Variants in BMP1 observed in about 807,000 individuals in gnomAD.
The protein encoded by BMP1 is mammalian tolloid protein.
Under a neutral mutation model 116.8 loss-of-function variants are expected in BMP1, and 63 were observed. That is an observed-to-expected ratio of 0.54 (90% CI 0.44 to 0.67). BMP1 has a LOEUF of 0.67. Ranked by LOEUF, BMP1 falls within the 30% of genes least tolerant of loss-of-function variation. The pLI, the probability that BMP1 is intolerant of heterozygous loss-of-function variation, is 0.00. For synonymous variants in BMP1, 536 were observed against 533.4 expected (o/e 1.00, Z -0.07); for missense variants, 1,183 against 1,358.9 (o/e 0.87, Z 2.04).
At chr8:22,172,305 A>C (rs141915465) in intron 1 of BMP1, among the ~76,000 whole-genome samples, 1 of 152,192 alleles carries the variant, frequency 6.6e-6, no homozygotes, top group Non-Finnish European at 1.5e-5. Flanking sequence ...TGAGCGCCTT[A>C]CAAAGCGGCC....
In BMP1 at chr8:22,196,662, C is replaced by A. The variant is rs759369189; in HGVS notation, c.1766-18C>A. 11 of 1,613,706 alleles carry A rather than the reference C, an allele frequency of 6.8e-6. No homozygotes were observed. Among genetic ancestry groups the A allele is most frequent in the Non-Finnish European group, 9.3e-6 (11 of 1,179,996 alleles). Reference sequence around the variant, plus strand: ...CAGGGGCTCCCCGCAGACGATGCCACCTTCCTTGTCCCCGCAGCTGCTTGT... The same window carrying A: ...CAGGGGCTCCCCGCAGACGATGCCAACTTCCTTGTCCCCGCAGCTGCTTGT... On this transcript the variant is annotated intron_variant, in intron 13 of 19. Transcript: ENST00000306385.
At chr8:22,211,529 G>A (rs1829461653) in intron 19 of BMP1, 65 bp from the exon 20 acceptor site, 1 of 1,604,138 alleles carries the variant, frequency 6.2e-7, no homozygotes, top group Non-Finnish European at 8.5e-7. Context: ...TGGGGATCTT[G>A]GGGAGGCAGG....
intron 14 of BMP1, 40 bp downstream of exon 14, chr8:22,196,880 T>G: frequency 1.3e-6 from 2 of 1,584,936 alleles, no homozygotes; most frequent in Non-Finnish European, 1.7e-6. Flanking sequence ...CAGGAAGCTG[T>G]GAGGCGTGGG....
intron 8 of BMP1, among the ~76,000 whole-genome samples, chr8:22,189,083 A>G (rs1828858722): frequency 6.6e-6 from 1 of 152,170 alleles, no homozygotes; most frequent in Non-Finnish European, 1.5e-5. Flanking sequence ...CAATCTAGCA[A>G]TGCATAAAAT....
In BMP1 at chr8:22,194,117, G is replaced by A; in HGVS notation, c.1240G>A (p.Val414Ile). The change falls in exon 10 of 20, where the codon GTT (valine) becomes ATT (isoleucine). Residue 414 changes from valine to isoleucine, a missense_variant. Val to Ile is a conservative substitution (Grantham distance 29, BLOSUM62 3). Around this residue, in one of 4 missense-constraint regions of BMP1, gnomAD observed 956 missense variants for 1,135.2 expected, o/e 0.84. Coordinates refer to ENST00000306385, the MANE Select transcript of BMP1 (RefSeq NM_006129.5). This position sits in a 1 kb window ranked among gnomAD's most constrained non-coding sequence, Gnocchi z 4.5. ...CGTCTCCACTGACAGCCGCCTCTGG[G>A]TTGAATTCCGCAGCAGCAGCAATTG... ...PIVSTDSRLWVEFRSSSNWVG... is the reference protein window; with the variant it reads ...PIVSTDSRLWIEFRSSSNWVG... 6.2e-7 allele frequency: 1 copy of A among 1,613,986 alleles called. No individual in the cohort carries two copies. Among genetic ancestry groups the A allele is most frequent in the Non-Finnish European group, 8.5e-7 (1 of 1,179,932 alleles).
intron 12 of BMP1, 101 bp downstream of exon 12, chr8:22,195,020 AC>A: frequency 7.9e-7 from 1 of 1,265,252 alleles, no homozygotes; most frequent in Non-Finnish European, 1.1e-6. Flanking sequence ...GCATATTGAT[AC>A]CAGTGAGACC....
intron 18 of BMP1, among the ~76,000 whole-genome samples, chr8:22,209,114 G>A (rs1294528843): frequency 6.6e-6 from 1 of 152,124 alleles, no homozygotes; most frequent in African/African-American, 2.4e-5. Context: ...GGCGACACTG[G>A]GCCCACATTC....
At chr8:22,176,891 T>G in intron 4 of BMP1, 70 bp from the exon 5 acceptor site, 2 of 898,246 alleles carry the variant, frequency 2.2e-6, no homozygotes, top group Non-Finnish European at 1.6e-6. Context: ...CCCGGCAGCC[T>G]GGCCCCGCCC....
At chr8:22,211,541 C>A in intron 19 of BMP1, 53 bp from the exon 20 acceptor site, 2 of 1,610,652 alleles carry the variant, frequency 1.2e-6, no homozygotes, top group South Asian at 1.1e-5. Context: ...GGAGGCAGGA[C>A]AGCAGCCCCA....
intron 8 of BMP1, among the ~76,000 whole-genome samples, chr8:22,185,267 C>T (rs13263963): frequency 6.6e-6 from 1 of 151,956 alleles, no homozygotes; most frequent in Admixed American, 6.6e-5. Flanking sequence ...GCCTGGCCAA[C>T]GTGGTGAAAC....
At chr8:22,197,534 G>A (rs898487145) in intron 15 of BMP1, 114 bp downstream of exon 15, 1 of 1,215,338 alleles carries the variant, frequency 8.2e-7, no homozygotes, top group Non-Finnish European at 1.2e-6. Flanking sequence ...CAGGCAGGCA[G>A]AGTCTGCCCC....
At chr8:22,198,821 G>T (rs73670376) in intron 15 of BMP1, 3 of 570,224 alleles carry the variant, frequency 5.3e-6, no homozygotes, top group South Asian at 2.6e-5. Context: ...ACAGTGGCCC[G>T]TTGACCTCCT....
chr8:22,176,398 T>C, intron 3 of BMP1, 85 bp downstream of exon 3: 1 of 1,555,976 alleles, frequency 6.4e-7, no homozygotes, highest in Admixed American at 1.7e-5. Flanking sequence ...GAGGCGTGGG[T>C]GCCACCTGCA....
At position 22,199,222 on chromosome 8, in the gene BMP1, C is replaced by T. The variant is rs761798579; in HGVS notation, c.2107+1802C>T. 20 of 1,367,414 alleles carry T rather than the reference C, an allele frequency of 1.5e-5. No homozygotes were observed. The Admixed American group carries it at 3.0e-4, about 21-fold the overall frequency. The allele number at this position is 1,367,414 out of a possible 1,614,324, so 84.7% of individuals were successfully genotyped here. ...AGGACCCCCACTGGGGGCATCGAGG[C>T]TCAGCCCTCAGGGCCCGGGGCATCT... On this transcript the variant is annotated intron_variant, in intron 15 of 19. Coordinates refer to ENST00000306385, the MANE Select transcript of BMP1 (RefSeq NM_006129.5).
chr8:22,166,779 C>T (rs771731244), intron 1 of BMP1, among the ~76,000 whole-genome samples: 5 of 152,152 alleles, frequency 3.3e-5, no homozygotes, highest in Non-Finnish European at 7.3e-5. Context: ...TCCCTCAGCC[C>T]TTACCCCTCT....
intron 15 of BMP1, chr8:22,201,122 G>C: frequency 6.7e-7 from 1 of 1,485,218 alleles, no homozygotes; most frequent in Non-Finnish European, 9.1e-7. Context: ...TTTCAGAAAA[G>C]AGGCCAGCTC....
chr8:22,169,866 C>T (rs984779057), intron 1 of BMP1: 1 of 152,222 alleles, frequency 6.6e-6, no homozygotes, highest in African/African-American at 2.4e-5. Flanking sequence ...CCACAGTGCT[C>T]CTGGCAGGTT....
intron 1 of BMP1, chr8:22,171,363 C>T (rs1354688810): frequency 1.3e-5 from 2 of 152,202 alleles, no homozygotes; most frequent in African/African-American, 4.8e-5. Flanking sequence ...GTGTGGCTTA[C>T]TGGGCATGTT....
intron 8 of BMP1, 44 bp from the exon 9 acceptor site, chr8:22,192,005 A>C: frequency 4.6e-6 from 7 of 1,528,720 alleles, no homozygotes; most frequent in Non-Finnish European, 5.4e-6. Context: ...GGGCTGGTGC[A>C]ATGTTCGGGA....
Sources: allele counts gnomAD v4.1 joint callset (sites outside exome capture counted in the v4.1 genomes callset), GRCh38; gene constraint gnomAD v4.1.1; regional missense constraint gnomAD v4.1.1; non-coding constraint Gnocchi (gnomAD v3.1); transcripts MANE v1.5; gene names NCBI Gene and HGNC (gene_info 2026-07-23, HGNC 2026-07-21).